The following MYH3 variants were observed in gnomAD, a reference collection of about 807,000 sequenced individuals.
MYH3 encodes myosin-3.
A neutral mutation model predicts 238.0 loss-of-function variants in MYH3; 130 were observed. The observed-to-expected ratio is 0.55, with a 90% CI of 0.47 to 0.63. The LOEUF (loss-of-function observed/expected upper bound fraction) is 0.63, where lower values mean the gene tolerates loss of function less well. Ranked by LOEUF, MYH3 falls within the 30% of genes least tolerant of loss-of-function variation. The pLI is 0.00. For missense variants in MYH3, 1,853 were observed against 2,374.9 expected (o/e 0.78, Z 4.57); for synonymous variants, 880 against 924.1 (o/e 0.95, Z 0.86).
Position 10,634,030 on chromosome 17 carries a change from A to G in MYH3, c.4509T>C (p.Asn1503=). 1 of 1,614,026 alleles carries G rather than the reference A, an allele frequency of 6.2e-7. No homozygotes were observed. Among genetic ancestry groups the G allele is most frequent in the South Asian group, 1.1e-5 (1 of 91,076 alleles). The stretch of plus-strand genomic sequence containing the variant: ...CGAATAGCTTACGCTCTAAGTTCTT[A>G]TTTTCCCGTTTCACAGTTTCAAGTT... ...LDQLETVKRE[N]KNLEQEIADL... The change falls in exon 32 of 41, where the codon AAT becomes AAC. Residue 1503 remains asparagine (N), a synonymous_variant. Transcript: ENST00000583535.
upstream of MYH3, among the ~76,000 whole-genome samples, chr17:10,658,255 CT>C (rs888144259): frequency 1.3e-5 from 2 of 151,940 alleles, no homozygotes; most frequent in South Asian, 2.1e-4. Context: ...TCTCGTTCTA[CT>C]TTTTTTTTCT....
Position 10,638,270 on chromosome 17 carries a change from G to C in MYH3, c.3502C>G (p.Arg1168Gly). The C allele has an allele frequency of 6.2e-7, 1 of 1,613,606 alleles. No homozygotes were observed. The change falls in exon 27 of 41, where the codon CGG (arginine) becomes GGG (glycine). Residue 1168 changes from arginine (R) to glycine (G), a missense_variant. Arg to Gly is a moderately radical substitution (Grantham distance 125, BLOSUM62 -2). Around this residue, in one of 3 missense-constraint regions of MYH3, gnomAD observed 1,044 missense variants for 1,192.6 expected, o/e 0.88. Coordinates refer to ENST00000583535, the MANE Select transcript of MYH3 (RefSeq NM_002470.4). ...TSTQIELNKK[R>G]EAEFLKLRRD... Reference sequence around the variant, plus strand: ...CGCAGCTTCAGGAACTCCGCCTCCCGCTTCTTGTTGAGCTCTATCTGCGTG... The same window carrying C: ...CGCAGCTTCAGGAACTCCGCCTCCCCCTTCTTGTTGAGCTCTATCTGCGTG...
At chr17:10,639,878 GT>G in intron 22 of MYH3, 76 bp from the exon 23 acceptor site, 2 of 1,595,612 alleles carry the variant, frequency 1.3e-6, no homozygotes, top group Non-Finnish European at 1.7e-6. Flanking sequence ...TATATATGAA[GT>G]TCTTTATGAA....
At chr17:10,655,594 T>A (rs2074420701) in intron 2 of MYH3, among the ~76,000 whole-genome samples, 1 of 152,188 alleles carries the variant, frequency 6.6e-6, no homozygotes, top group South Asian at 2.1e-4. Flanking sequence ...AAATCAAGCA[T>A]CTGACATCAG....
At chr17:10,643,131 C>T in intron 14 of MYH3, 135 bp from the exon 15 acceptor site, 1 of 1,505,224 alleles carries the variant, frequency 6.6e-7, no homozygotes, top group Non-Finnish European at 9.0e-7. Context: ...ATCTTCAAGG[C>T]CTGCCTCAGA....
Position 10,645,936 on chromosome 17 carries a change from G to C in MYH3, c.995C>G (p.Ala332Gly). ...ASIDDAEELL[A>G]TDSAIDILGF... is the part of the protein sequence containing the mutation. Reference sequence around the variant, plus strand: ...TCTGTTGGTTCCACTTACGTCTGTAGCCAGCAGCTCCTCTGCATCATCTAT... The same window carrying C: ...TCTGTTGGTTCCACTTACGTCTGTACCCAGCAGCTCCTCTGCATCATCTAT... Residue 332 changes from alanine to glycine, a missense_variant, in exon 11 of 41, where the codon GCT becomes GGT. Transcript: ENST00000583535. 1 of 1,613,926 alleles carries C rather than the reference G, an allele frequency of 6.2e-7. No homozygotes were observed. The highest frequency in any genetic ancestry group is 8.5e-7 in the Non-Finnish European group (1 of 1,179,886).
chr17:10,638,358 G>T lies in MYH3; in HGVS notation c.3414C>A (p.Ser1138Arg), dbSNP rs200584758. ...GCTCCTCCAGCTCCCGGGCATAGTC[G>T]CTGCGCTGTTTCTCTGTCTTCGCGC... ...ATRAKTEKQR[S>R]DYARELEELS... is the part of the protein sequence containing the mutation. Residue 1138 changes from serine to arginine, a missense_variant, in exon 27 of 41, where the codon AGC (serine) becomes AGA (arginine). Physicochemically the swap from Ser to Arg is moderately radical, Grantham distance 110 (BLOSUM62 -1). This residue lies in a region of MYH3 where 1,044 missense variants were observed against 1,192.6 expected (regional missense o/e 0.88). Transcript: ENST00000583535. 5.6e-6 allele frequency: 9 copies of T among 1,608,580 alleles called. No individual in the cohort carries two copies. Among genetic ancestry groups the T allele is most frequent in the Non-Finnish European group, 7.6e-6 (9 of 1,179,954 alleles).
intron 17 of MYH3, 129 bp from the exon 18 acceptor site, chr17:10,641,501 ACT>A (rs1298083155): frequency 6.9e-5 from 41 of 595,436 alleles, no homozygotes; most frequent in East Asian, 5.9e-4. Context: ...AAATGATTTA[ACT>A]CTGTCTTTTT....
chr17:10,669,814 G>A, the MYH3 span, among the ~76,000 whole-genome samples: 3 of 152,246 alleles, frequency 2.0e-5, no homozygotes, highest in East Asian at 1.9e-4. Context: ...CAGACGCTGA[G>A]GTGAGAGGAT....
At position 10,650,759 on chromosome 17, in the gene MYH3, T is replaced by C. The variant is rs372411518; in HGVS notation, c.506-358A>G. Among the ~76,000 whole-genome samples, 367 of 152,332 alleles carry C rather than the reference T, an allele frequency of 2.4e-3. 6 individuals carry two copies. The highest frequency in any genetic ancestry group is 8.3e-3 in the African/African-American group (345 of 41,570). ...AGGGATTTTGAAATATACAATGCATTATTACTTATCGGAGTCACCATTCTA... is the reference window on the plus strand; with the variant it reads ...AGGGATTTTGAAATATACAATGCATCATTACTTATCGGAGTCACCATTCTA... On this transcript the variant is annotated intron_variant, in intron 5 of 40. Transcript: ENST00000583535.
chr17:10,667,600 G>A, the MYH3 span, among the ~76,000 whole-genome samples: 1 of 150,732 alleles, frequency 6.6e-6, no homozygotes. Context: ...GGAATCGCTT[G>A]AATCCAGGAG....
At position 10,654,859 on chromosome 17, in the gene MYH3, A is replaced by C; in HGVS notation, c.204+2T>G. 6.2e-7 allele frequency: 1 copy of C among 1,613,712 alleles called. No individual in the cohort carries two copies. Among genetic ancestry groups the C allele is most frequent in the Non-Finnish European group, 8.5e-7 (1 of 1,179,708 alleles). ...CAGCCTGTGGAGGGTACAGAGCCTT[A>C]CCCTGTTGTCCTCAGTTTCCACAGT... On this transcript the variant is annotated splice_donor_variant, in intron 3 of 40. Coordinates refer to ENST00000583535, the MANE Select transcript of MYH3 (RefSeq NM_002470.4). LOFTEE classifies it high-confidence loss of function. This position sits in a 1 kb window ranked among gnomAD's most constrained non-coding sequence, Gnocchi z 4.5.
chr17:10,671,175 G>A, the MYH3 span, among the ~76,000 whole-genome samples: 2 of 152,184 alleles, frequency 1.3e-5, no homozygotes, highest in African/African-American at 2.4e-5. Context: ...TTACAGGCGT[G>A]AGCCACCATG....
intron 14 of MYH3, among the ~76,000 whole-genome samples, chr17:10,643,447 C>A (rs911793990): frequency 1.3e-5 from 2 of 151,968 alleles, no homozygotes; most frequent in South Asian, 4.1e-4. Context: ...ACCATCTCGG[C>A]TCACTGCAAC....
chr17:10,652,127 CA>C (rs1397339001), intron 4 of MYH3: 3 of 467,814 alleles, frequency 6.4e-6, no homozygotes, highest in African/African-American at 4.0e-5. Flanking sequence ...CACTGAGACT[CA>C]AAAAGGGGAG....
intron 19 of MYH3, 127 bp from the exon 20 acceptor site, chr17:10,640,813 G>C: frequency 8.5e-7 from 1 of 1,178,264 alleles, no homozygotes; most frequent in African/African-American, 1.5e-5. Context: ...GAACTAGCTC[G>C]GAGTCACATT....
intron 12 of MYH3, among the ~76,000 whole-genome samples, chr17:10,645,463 G>A (rs1322505461): frequency 6.6e-6 from 1 of 151,560 alleles, no homozygotes; most frequent in Non-Finnish European, 1.5e-5. Context: ...GAGTAGCTGG[G>A]ATTATAGGCA....
At chr17:10,658,166 A>C (rs1045038794), upstream of MYH3, among the ~76,000 whole-genome samples, 7 of 152,178 alleles carry the variant, frequency 4.6e-5, no homozygotes, top group African/African-American at 1.4e-4. Flanking sequence ...CTGTCTAACA[A>C]ATGTGGTCAT....
Position 10,638,327 on chromosome 17 carries a change from C to G in MYH3, c.3445G>C (p.Glu1149Gln), listed in dbSNP as rs145785711. The change falls in exon 27 of 41, where the codon GAG becomes CAG. Residue 1149 changes from glutamate to glutamine, a missense_variant. Around this residue, in one of 3 missense-constraint regions of MYH3, gnomAD observed 1,044 missense variants for 1,192.6 expected, o/e 0.88. Transcript: ENST00000583535. ...ACGCCTCCCGCCTCCTCCAGCCGCTCGCTCAGCTCCTCCAGCTCCCGGGCA... is the reference window on the plus strand; with the variant it reads ...ACGCCTCCCGCCTCCTCCAGCCGCTGGCTCAGCTCCTCCAGCTCCCGGGCA... ...DYARELEELS[E>Q]RLEEAGGVTS... is the part of the protein sequence containing the mutation. 7.5e-4 allele frequency: 1,201 copies of G among 1,612,034 alleles called. 1 individual carries two copies. The highest frequency in any genetic ancestry group is 9.9e-4 in the Non-Finnish European group (1,164 of 1,180,008).
Sources: gnomAD v4.1 joint callset for allele counts (sites outside exome capture counted in the v4.1 genomes callset) on GRCh38, gnomAD v4.1.1 for gene constraint, gnomAD v4.1.1 regional missense constraint, Gnocchi (gnomAD v3.1) non-coding constraint, MANE v1.5 for transcripts, NCBI Gene and HGNC (gene_info 2026-07-23, HGNC 2026-07-21) for gene names.